The following SLC39A11 variants were observed in gnomAD, a reference collection of about 807,000 sequenced individuals.
The protein encoded by SLC39A11 is solute carrier family 39 member 11, also known as zinc transporter ZIP11.
In SLC39A11, 33 loss-of-function variants were observed where a neutral mutation model predicts 36.1. That is an observed-to-expected ratio of 0.91 (90% CI 0.69 to 1.22). The LOEUF (loss-of-function observed/expected upper bound fraction) is 1.22, where lower values mean the gene tolerates loss of function less well. SLC39A11 is among the 50% of genes most tolerant of loss of function. The pLI is 0.00. For missense variants in SLC39A11, 432 were observed against 430.3 expected (o/e 1.00, Z -0.03); for synonymous variants, 166 against 170.3 (o/e 0.97, Z 0.20).
intron 6 of SLC39A11, among the ~76,000 whole-genome samples, chr17:72,803,017 T>C (rs73998410): frequency 0.034 from 5,198 of 152,340 alleles, 92 homozygotes; most frequent in Non-Finnish European, 0.04. Flanking sequence ...CTTGGCCCTG[T>C]TAAACCCACC....
intron 3 of SLC39A11, among the ~76,000 whole-genome samples, chr17:73,038,123 C>CATGAGACA (rs1322005907): frequency 6.6e-6 from 1 of 152,150 alleles, no homozygotes; most frequent in East Asian, 1.9e-4. Flanking sequence ...ACTCGGGAGG[C>CATGAGACA]TGAGACATGA....
intron 4 of SLC39A11, among the ~76,000 whole-genome samples, chr17:72,959,946 G>C (rs961895553): frequency 6.6e-6 from 1 of 152,166 alleles, no homozygotes; most frequent in African/African-American, 2.4e-5. Flanking sequence ...CCAAGGGAAA[G>C]ATTCTGCAGA....
intron 6 of SLC39A11, among the ~76,000 whole-genome samples, chr17:72,763,237 C>T (rs2075650626): frequency 6.6e-6 from 1 of 152,178 alleles, no homozygotes; most frequent in African/African-American, 2.4e-5. Flanking sequence ...CAAAATTGAG[C>T]TCCATGGAAC....
At chr17:72,667,271 C>T (rs996124728) in intron 7 of SLC39A11, among the ~76,000 whole-genome samples, 6 of 152,150 alleles carry the variant, frequency 3.9e-5, no homozygotes, top group African/African-American at 1.4e-4. Context: ...ACTCAGGACA[C>T]TCTATGAGGT....
chr17:72,757,704 G>A (rs1314389496), intron 6 of SLC39A11, among the ~76,000 whole-genome samples: 4 of 150,534 alleles, frequency 2.7e-5, no homozygotes, highest in Non-Finnish European at 5.9e-5. Flanking sequence ...GGCTCCTCAT[G>A]CGTCATTTCT....
In SLC39A11 at chr17:72,646,440, T is replaced by C. The variant is rs1040016239; in HGVS notation, c.*1144A>G. The C allele has an allele frequency of 5.3e-5, 8 of 152,232 alleles. No individual in the cohort carries two copies. Among genetic ancestry groups the C allele is most frequent in the African/African-American group, 1.7e-4 (7 of 41,458 alleles). The allele number at this position is 152,232 out of a possible 1,614,324, so 9.4% of individuals were successfully genotyped here. ...AGGAGTAGGCTGGCTTCTGGTCTAG[T>C]TCGACTCATTCTTTATAGGGACATT... On this transcript the variant is annotated 3_prime_UTR_variant, in exon 10 of 10. Transcript: ENST00000255559.
intron 3 of SLC39A11, among the ~76,000 whole-genome samples, chr17:73,035,372 CT>C (rs1426322186): frequency 6.6e-6 from 1 of 152,102 alleles, no homozygotes; most frequent in Non-Finnish European, 1.5e-5. Context: ...AACTCCTGGC[CT>C]CAAGTGATTG....
chr17:72,893,425 A>G (rs896800278), intron 5 of SLC39A11, among the ~76,000 whole-genome samples: 3 of 152,108 alleles, frequency 2.0e-5, no homozygotes, highest in Non-Finnish European at 4.4e-5. Context: ...GTGCCACTGC[A>G]CTCCAGCCTG....
chr17:72,679,840 G>A lies in SLC39A11; in HGVS notation c.672-30572C>T, dbSNP rs190367368. On this transcript the variant is annotated intron_variant, in intron 7 of 9. Coordinates refer to ENST00000255559, the MANE Select transcript of SLC39A11 (RefSeq NM_139177.4). ...GGGCGGATCACGAGGCCAAGAGATC[G>A]AGACCATCCTGGCCAACATGGTGAA... 6.5e-3 allele frequency among the ~76,000 whole-genome samples: 996 copies of A among 152,098 alleles called. 9 individuals are homozygous for A. Among genetic ancestry groups the A allele is most frequent in the African/African-American group, 0.023 (952 of 41,476 alleles).
At chr17:72,873,825 A>G (rs562502005) in intron 5 of SLC39A11, among the ~76,000 whole-genome samples, 19 of 152,272 alleles carry the variant, frequency 1.2e-4, no homozygotes, top group African/African-American at 4.6e-4. Flanking sequence ...GAATTGTAAT[A>G]ATCCCCATGT....
intron 4 of SLC39A11, among the ~76,000 whole-genome samples, chr17:72,969,682 T>C (rs2087289263): frequency 6.6e-6 from 1 of 152,136 alleles, no homozygotes; most frequent in Non-Finnish European, 1.5e-5. Flanking sequence ...TCAAAACCTA[T>C]GTATATAAAT....
At chr17:72,985,728 T>A (rs1350784304) in intron 4 of SLC39A11, among the ~76,000 whole-genome samples, 1 of 152,200 alleles carries the variant, frequency 6.6e-6, no homozygotes, top group Non-Finnish European at 1.5e-5. Flanking sequence ...TAACTTTTTA[T>A]TACTGTCTTT....
intron 6 of SLC39A11, among the ~76,000 whole-genome samples, chr17:72,845,805 G>A (rs1412393618): frequency 6.6e-6 from 1 of 152,114 alleles, no homozygotes; most frequent in Non-Finnish European, 1.5e-5. Flanking sequence ...CAAGCCAGCT[G>A]TCCTCCAGTT....
At chr17:72,944,297 G>A (rs1163377695) in intron 5 of SLC39A11, among the ~76,000 whole-genome samples, 1 of 152,124 alleles carries the variant, frequency 6.6e-6, no homozygotes, top group East Asian at 1.9e-4. Flanking sequence ...TCCTCCCCCA[G>A]AACATACTGC....
chr17:73,085,738 CTA>C (rs2060709340), intron 2 of SLC39A11, among the ~76,000 whole-genome samples: 1 of 151,256 alleles, frequency 6.6e-6, no homozygotes, highest in Admixed American at 6.6e-5. Context: ...GAGGTGAACA[CTA>C]TGTGTGCCAC....
At chr17:72,699,706 A>T (rs988257922) in intron 7 of SLC39A11, among the ~76,000 whole-genome samples, 18 of 152,206 alleles carry the variant, frequency 1.2e-4, no homozygotes, top group African/African-American at 3.9e-4. Context: ...GGACAGAGCA[A>T]CCCTGAGACA....
chr17:72,789,398 G>A (rs138283558), intron 6 of SLC39A11, among the ~76,000 whole-genome samples: 1 of 152,304 alleles, frequency 6.6e-6, no homozygotes, highest in Non-Finnish European at 1.5e-5. Context: ...GAAGAACAAT[G>A]GAGGCCACCT....
chr17:72,915,505 G>C (rs1426262021), intron 5 of SLC39A11, among the ~76,000 whole-genome samples: 1 of 152,216 alleles, frequency 6.6e-6, no homozygotes, highest in East Asian at 1.9e-4. Context: ...TGACATGGCA[G>C]TGTGCCCCCT....
At position 72,988,891 on chromosome 17, in the gene SLC39A11, T is replaced by A. The variant is rs551100777; in HGVS notation, c.307-41016A>T. 3.9e-5 allele frequency among the ~76,000 whole-genome samples: 6 copies of A among 152,208 alleles called. No individual in the cohort carries two copies. The South Asian group carries it at 1.0e-3, about 26-fold the overall frequency. On this transcript the variant is annotated intron_variant, in intron 4 of 9. Coordinates refer to ENST00000255559, the MANE Select transcript of SLC39A11 (RefSeq NM_139177.4). The stretch of plus-strand genomic sequence containing the variant: ...GCCCAGCTAATTTTTGTATTTTTAG[T>A]AGAGACAGGTTTGCTCTTTTTAAGA...
Sources: gnomAD v4.1 joint callset for allele counts (sites outside exome capture counted in the v4.1 genomes callset) on GRCh38, gnomAD v4.1.1 for gene constraint, MANE v1.5 for transcripts, NCBI Gene and HGNC (gene_info 2026-07-23, HGNC 2026-07-21) for gene names.